The following SLC25A21 variants were observed in gnomAD, a reference collection of about 807,000 sequenced individuals.
SLC25A21 encodes solute carrier family 25 member 21.
SLC25A21 carries 47 observed loss-of-function variants against 43.8 expected under a neutral mutation model. The observed-to-expected ratio is 1.07, with a 90% CI of 0.85 to 1.37. SLC25A21 has a LOEUF of 1.37. SLC25A21 is among the 40% of genes most tolerant of loss of function. The probability of loss-of-function intolerance (pLI) is 0.00; values close to 1 mark genes in which losing one functional copy is unlikely to be tolerated. For missense variants in SLC25A21, 352 were observed against 350.2 expected, an observed-to-expected ratio of 1.00 and a Z score of -0.04; for synonymous variants, 131 against 121.3, an observed-to-expected ratio of 1.08 and a Z score of -0.52.
chr14:36,785,324 T>C (rs146007217), intron 3 of SLC25A21, among the ~76,000 whole-genome samples: 3 of 152,324 alleles, frequency 2.0e-5, no homozygotes, highest in East Asian at 3.9e-4. Context: ...CCAAACCAAC[T>C]AGCAAACAAA....
intron 6 of SLC25A21, among the ~76,000 whole-genome samples, chr14:36,723,612 T>C (rs1884464574): frequency 1.3e-5 from 2 of 152,374 alleles, no homozygotes; most frequent in South Asian, 4.1e-4. Context: ...TGGAAGCATG[T>C]ACACATGCAG....
At position 36,834,250 on chromosome 14, in the gene SLC25A21, G is replaced by A. The variant is rs558537179; in HGVS notation, c.120-20249C>T. ...CTGCAAAGACCTCTTGTATATTGGA[G>A]GGAAAACTGACTTTCGATCAGGCAA... On this transcript the variant is annotated intron_variant, in intron 2 of 9. Coordinates refer to ENST00000331299, the MANE Select transcript of SLC25A21 (RefSeq NM_030631.4). 7.2e-5 allele frequency among the ~76,000 whole-genome samples: 11 copies of A among 152,300 alleles called. No individual in the cohort carries two copies. The South Asian group carries it at 2.3e-3, about 32-fold the overall frequency.
At chr14:37,053,089 G>C (rs1348811204) in intron 1 of SLC25A21, among the ~76,000 whole-genome samples, 25 of 152,262 alleles carry the variant, frequency 1.6e-4, no homozygotes, top group Non-Finnish European at 1.5e-5. Flanking sequence ...AAAGTCCTTT[G>C]AGTGTATGAG....
At chr14:36,938,212 G>T (rs1892472925) in intron 1 of SLC25A21, among the ~76,000 whole-genome samples, 1 of 152,082 alleles carries the variant, frequency 6.6e-6, no homozygotes, top group East Asian at 1.9e-4. Flanking sequence ...TCTTCGAGAA[G>T]CCTTCTCCTG....
rs377757051 is a variant in SLC25A21, at chr14:36,725,541, CT to C, written c.438+28del. On this transcript the variant is annotated intron_variant, in intron 6 of 9. Transcript: ENST00000331299. Reference sequence around the variant, plus strand: ...TAAATAAATAAATTTTTACATGCCCCTAACAATAGAAAAACATTAAATGGTT... The same window carrying C: ...TAAATAAATAAATTTTTACATGCCCCAACAATAGAAAAACATTAAATGGTT... 212 of 1,159,586 alleles carry C rather than the reference CT, an allele frequency of 1.8e-4. 1 individual carries two copies. In the East Asian group the frequency reaches 5.8e-3, roughly 32 times the overall value. 71.8% of individuals were successfully genotyped at this position (1,159,586 alleles called of 1,614,324 possible).
intron 1 of SLC25A21, among the ~76,000 whole-genome samples, chr14:37,045,296 C>T (rs768705062): frequency 3.3e-5 from 5 of 152,178 alleles, no homozygotes; most frequent in Admixed American, 6.5e-5. Context: ...ACTACAATTA[C>T]GAAGGAGAGA....
chr14:36,679,235 G>A lies in SLC25A21; in HGVS notation c.*1423C>T. 1 of 984,154 alleles carries A rather than the reference G, an allele frequency of 1.0e-6. No individual in the cohort carries two copies. The highest frequency in any genetic ancestry group is 1.2e-6 in the Non-Finnish European group (1 of 828,928). 61.0% of individuals were successfully genotyped at this position (984,154 alleles called of 1,614,324 possible). ...TGACCCTTTTATTGAATATTGGACT[G>A]AAATATAAATTTTAAAAAACACGTT... On this transcript the variant is annotated 3_prime_UTR_variant, in exon 10 of 10. Transcript: ENST00000331299.
At chr14:36,873,842 G>T (rs2138554035) in intron 2 of SLC25A21, among the ~76,000 whole-genome samples, 1 of 152,220 alleles carries the variant, frequency 6.6e-6, no homozygotes, top group African/African-American at 2.4e-5. Flanking sequence ...TAAGTATACA[G>T]CAAGAAGGAG....
At chr14:36,919,534 T>G (rs1322710975) in intron 1 of SLC25A21, among the ~76,000 whole-genome samples, 1 of 152,028 alleles carries the variant, frequency 6.6e-6, no homozygotes, top group African/African-American at 2.4e-5. Flanking sequence ...TGTTTAATTT[T>G]CTTCTTGATA....
intron 7 of SLC25A21, among the ~76,000 whole-genome samples, chr14:36,693,695 G>A (rs1486796482): frequency 1.3e-5 from 2 of 151,986 alleles, no homozygotes; most frequent in Non-Finnish European, 2.9e-5. Context: ...GTGCAGTGGT[G>A]CAATCTTAGC....
At chr14:36,882,258 CT>C (rs1890754404) in intron 1 of SLC25A21, among the ~76,000 whole-genome samples, 2 of 152,158 alleles carry the variant, frequency 1.3e-5, no homozygotes, top group Non-Finnish European at 2.9e-5. Context: ...TGATGTGCAC[CT>C]GTAGTCCCAG....
At chr14:36,821,508 A>G (rs1230492728) in intron 2 of SLC25A21, among the ~76,000 whole-genome samples, 4 of 152,036 alleles carry the variant, frequency 2.6e-5, no homozygotes, top group African/African-American at 9.7e-5. Flanking sequence ...TTTTCACTTC[A>G]GATTAAATAT....
intron 1 of SLC25A21, among the ~76,000 whole-genome samples, chr14:36,876,944 C>T (rs189703707): frequency 1.7e-5 from 2 of 119,726 alleles, no homozygotes; most frequent in African/African-American, 7.1e-5. Flanking sequence ...TAGATACACA[C>T]ACACACATAC....
chr14:37,141,197 C>G (rs572611358), intron 1 of SLC25A21, among the ~76,000 whole-genome samples: 1 of 151,994 alleles, frequency 6.6e-6, no homozygotes, highest in African/African-American at 2.4e-5. Flanking sequence ...TTTTGTATTA[C>G]GAGGAAGAAA....
chr14:36,882,293 G>C (rs1890755551), intron 1 of SLC25A21, among the ~76,000 whole-genome samples: 1 of 152,192 alleles, frequency 6.6e-6, no homozygotes, highest in Non-Finnish European at 1.5e-5. Context: ...TGAGGCAGGA[G>C]AATTGCTTGA....
At chr14:36,794,627 G>A (rs1166919130) in intron 3 of SLC25A21, among the ~76,000 whole-genome samples, 1 of 152,070 alleles carries the variant, frequency 6.6e-6, no homozygotes, top group Non-Finnish European at 1.5e-5. Flanking sequence ...AATTAGCCAG[G>A]TGTGGGTGGC....
At chr14:37,149,329 C>G (rs1963719373) in intron 1 of SLC25A21, among the ~76,000 whole-genome samples, 1 of 152,066 alleles carries the variant, frequency 6.6e-6, no homozygotes. Flanking sequence ...TGAGGCAAAC[C>G]TAATGAAACT....
intron 1 of SLC25A21, among the ~76,000 whole-genome samples, chr14:37,113,853 C>CAG (rs1963062208): frequency 8.4e-6 from 1 of 119,378 alleles, no homozygotes; most frequent in Non-Finnish European, 1.7e-5. Context: ...GACTCTGTCT[C>CAG]AAAAAAAAAA....
At position 36,716,253 on chromosome 14, in the gene SLC25A21, G is replaced by A. The variant is rs191588104; in HGVS notation, c.439-4771C>T. 1.1e-3 allele frequency among the ~76,000 whole-genome samples: 174 copies of A among 152,228 alleles called. 1 individual carries two copies. The highest frequency in any genetic ancestry group is 3.4e-3 in the Middle Eastern group (1 of 294). On this transcript the variant is annotated intron_variant, in intron 6 of 9. Transcript: ENST00000331299. Reference sequence around the variant, plus strand: ...AAACAGTGGTTACCAGGGGTGATGCGAGGAGTGGGGAGAGGTGGGGAGATG... The same window carrying A: ...AAACAGTGGTTACCAGGGGTGATGCAAGGAGTGGGGAGAGGTGGGGAGATG...
Sources: allele counts gnomAD v4.1 joint callset (sites outside exome capture counted in the v4.1 genomes callset), GRCh38; gene constraint gnomAD v4.1.1; transcripts MANE v1.5; gene names NCBI Gene and HGNC (gene_info 2026-07-23, HGNC 2026-07-21).